Variants in DCLK1 observed in about 807,000 individuals in gnomAD.
The protein encoded by DCLK1 is serine/threonine-protein kinase DCLK1.
Under a neutral mutation model 86.2 loss-of-function variants are expected in DCLK1, and 16 were observed. The ratio of observed to expected loss-of-function variants is 0.19; its 90% CI spans 0.13 to 0.28. The LOEUF (loss-of-function observed/expected upper bound fraction) is 0.28. Among genes scored for constraint, DCLK1 ranks in the 10% least tolerant of loss-of-function variants. The pLI is 1.00. For synonymous variants in DCLK1, 369 were observed against 370.5 expected (o/e 1.00, Z 0.05); for missense variants, 590 against 940.2 (o/e 0.63, Z 4.87).
At chr13:35,880,414 C>T (rs916131647) in intron 4 of DCLK1, among the ~76,000 whole-genome samples, 2 of 152,178 alleles carry the variant, frequency 1.3e-5, no homozygotes, top group Non-Finnish European at 2.9e-5. Flanking sequence ...CTTTCCCTTC[C>T]AGGTACCACT....
At chr13:36,080,514 C>T (rs547939245) in intron 3 of DCLK1, among the ~76,000 whole-genome samples, 2 of 152,306 alleles carry the variant, frequency 1.3e-5, no homozygotes, top group South Asian at 4.1e-4. Flanking sequence ...CTGTCAGTTT[C>T]CTTCAGTGGG....
Position 36,112,122 on chromosome 13 carries a change from G to A in DCLK1, c.470C>T (p.Thr157Ile), listed in dbSNP as rs1214142906. ...NPNWSVNVKT[T>I]SASRAVSSLA... The stretch of plus-strand genomic sequence containing the variant: ...TGAAGACACTGCCCGAGAAGCCGAG[G>A]TGGTCTTGACGTTCACCGACCAGTT... The change falls in exon 3 of 17, where the codon ACC becomes ATC. Residue 157 changes from threonine (T) to isoleucine (I), a missense_variant. Thr to Ile is a moderately conservative substitution (Grantham distance 89). This residue lies in a region of DCLK1 where 195 missense variants were observed against 365.1 expected (regional missense o/e 0.53). Coordinates refer to ENST00000360631, the MANE Select transcript of DCLK1 (RefSeq NM_001330071.2). 3 of 1,613,772 alleles carry A rather than the reference G, an allele frequency of 1.9e-6. No individual in the cohort carries two copies. Among genetic ancestry groups the A allele is most frequent in the Non-Finnish European group, 2.5e-6 (3 of 1,179,726 alleles).
At chr13:35,851,274 T>C (rs574762515) in intron 6 of DCLK1, among the ~76,000 whole-genome samples, 1 of 152,338 alleles carries the variant, frequency 6.6e-6, no homozygotes, top group African/African-American at 2.4e-5. Context: ...ATATTATGTT[T>C]GGATGACAGA....
At position 35,769,605 on chromosome 13, in the gene DCLK1, TTAC is replaced by T. The variant is rs1462068989; in HGVS notation, c.*4927_*4929del. 2.6e-5 allele frequency: 4 copies of T among 152,226 alleles called. No homozygotes were observed. Among genetic ancestry groups the T allele is most frequent in the Non-Finnish European group, 4.4e-5 (3 of 68,030 alleles). 9.4% of individuals were successfully genotyped at this position (152,226 alleles called of 1,614,324 possible). On this transcript the variant is annotated 3_prime_UTR_variant, in exon 17 of 17. Coordinates refer to ENST00000360631, the MANE Select transcript of DCLK1 (RefSeq NM_001330071.2). ...TAGAGAACTATTCAAGGACTTTTTC[TTAC>T]TACATTTGATTGGACTGGAGTGAAC...
intron 3 of DCLK1, among the ~76,000 whole-genome samples, chr13:35,967,853 T>G (rs552654714): frequency 6.7e-6 from 1 of 148,512 alleles, no homozygotes; most frequent in South Asian, 2.2e-4. Context: ...AAAAAAAAAG[T>G]AAAAAATAAA....
At chr13:36,104,505 T>C (rs1885325945) in intron 3 of DCLK1, among the ~76,000 whole-genome samples, 1 of 152,160 alleles carries the variant, frequency 6.6e-6, no homozygotes, top group African/African-American at 2.4e-5. Context: ...AGGAAATATT[T>C]CATAGACAAG....
chr13:35,827,056 GTCA>G (rs1006546459), intron 10 of DCLK1, among the ~76,000 whole-genome samples: 1 of 152,176 alleles, frequency 6.6e-6, no homozygotes, highest in African/African-American at 2.4e-5. Context: ...CCATTCAACC[GTCA>G]TCAACAATTG....
At chr13:36,109,980 G>A (rs971293364) in intron 3 of DCLK1, among the ~76,000 whole-genome samples, 5 of 152,174 alleles carry the variant, frequency 3.3e-5, no homozygotes, top group South Asian at 4.1e-4. Context: ...CATTAAAGCC[G>A]ATTTTTAGAT....
At chr13:35,831,348 C>G (rs114319522) in intron 8 of DCLK1, among the ~76,000 whole-genome samples, 1 of 152,142 alleles carries the variant, frequency 6.6e-6, no homozygotes, top group Non-Finnish European at 1.5e-5. Flanking sequence ...AGGAAAGTAG[C>G]TAGTCTAGAA....
intron 6 of DCLK1, chr13:35,849,074 C>T (rs1870419059): frequency 1.0e-6 from 1 of 985,340 alleles, no homozygotes; most frequent in Non-Finnish European, 1.2e-6. Context: ...AAGTGTCTTT[C>T]TCTCCAACAG....
At chr13:36,002,245 A>G (rs1045865751) in intron 3 of DCLK1, among the ~76,000 whole-genome samples, 1 of 152,216 alleles carries the variant, frequency 6.6e-6, no homozygotes, top group Non-Finnish European at 1.5e-5. Context: ...AGTACAATAC[A>G]GTTAATTCAA....
rs1343917272 is a variant in DCLK1, at chr13:36,011,532, C to T, written c.724-64075G>A. 4.0e-4 allele frequency among the ~76,000 whole-genome samples: 56 copies of T among 140,094 alleles called. No individual in the cohort carries two copies. In the South Asian group the frequency reaches 6.3e-3, roughly 16 times the overall value. 91.9% of individuals were successfully genotyped at this position (140,094 alleles called of 152,430 possible). On this transcript the variant is annotated intron_variant, in intron 3 of 16. Coordinates refer to ENST00000360631, the MANE Select transcript of DCLK1 (RefSeq NM_001330071.2). ...GTTGTTCAGTTTCCATGTAGTTGAG[C>T]GGCTTTGAGTGAGATTCTTAATCCT...
chr13:35,808,477 T>C (rs1231616954), intron 13 of DCLK1, 157 bp from the exon 14 acceptor site: 2 of 721,356 alleles, frequency 2.8e-6, no homozygotes, highest in Non-Finnish European at 4.6e-6. Flanking sequence ...GGATCTGTTT[T>C]GGTAAATTAA....
rs1593694680 is a variant in DCLK1 at position 35,881,391 on chromosome 13, T to C, written c.824-10051A>G. ...GGTTAGCTTGCCTACATCTTCCCCATACCAACTGCTTCCATCAGGGTGCAG... is the reference window on the plus strand; with the variant it reads ...GGTTAGCTTGCCTACATCTTCCCCACACCAACTGCTTCCATCAGGGTGCAG... On this transcript the variant is annotated intron_variant, in intron 4 of 16. Transcript: ENST00000360631. 1.3e-5 allele frequency among the ~76,000 whole-genome samples: 2 copies of C among 152,310 alleles called. 1 individual carries two copies. Among genetic ancestry groups the C allele is most frequent in the African/African-American group, 4.8e-5 (2 of 41,584 alleles).
Position 36,128,612 on chromosome 13 carries a change from G to C in DCLK1, c.-19-2456C>G, listed in dbSNP as rs548978860. Among the ~76,000 whole-genome samples, 15 of 152,288 alleles carry C rather than the reference G, an allele frequency of 9.8e-5. No homozygotes were observed. The South Asian group carries it at 2.3e-3, about 23-fold the overall frequency. On this transcript the variant is annotated intron_variant, in intron 1 of 16. Transcript: ENST00000360631. ...TGGGTCTATTGCTGACCCCACTGAA[G>C]GTCTGGGGAGGGAGAAATGAAGTGT...
In DCLK1 at chr13:35,840,743, T is replaced by A. The variant is rs1378535097; in HGVS notation, c.1036-1567A>T. 2.0e-5 allele frequency among the ~76,000 whole-genome samples: 3 copies of A among 152,218 alleles called. No individual in the cohort carries two copies. The East Asian group carries it at 5.8e-4, about 29-fold the overall frequency. ...TGTCACCTTGACACAGAGTTTTTCT[T>A]AGTGTGACACTATGTACCCATAACC... On this transcript the variant is annotated intron_variant, in intron 6 of 16. Transcript: ENST00000360631.
intron 11 of DCLK1, among the ~76,000 whole-genome samples, chr13:35,816,601 G>T (rs1268825989): frequency 6.6e-6 from 1 of 152,028 alleles, no homozygotes; most frequent in Non-Finnish European, 1.5e-5. Context: ...CTCATATTTT[G>T]CAGATGAGAA....
intron 6 of DCLK1, chr13:35,850,350 T>C (rs1178627020): frequency 4.0e-6 from 4 of 994,804 alleles, no homozygotes; most frequent in African/African-American, 3.5e-5. Flanking sequence ...TGTCTACTTA[T>C]AATTAAGAAG....
At chr13:36,115,445 A>T (rs888161371) in intron 2 of DCLK1, among the ~76,000 whole-genome samples, 2 of 152,202 alleles carry the variant, frequency 1.3e-5, no homozygotes, top group Non-Finnish European at 2.9e-5. Context: ...GGATGGCATG[A>T]TTGCAAAGCT....
Sources: gnomAD v4.1 joint callset for allele counts (sites outside exome capture counted in the v4.1 genomes callset) on GRCh38, gnomAD v4.1.1 for gene constraint, gnomAD v4.1.1 regional missense constraint, MANE v1.5 for transcripts, NCBI Gene and HGNC (gene_info 2026-07-23, HGNC 2026-07-21) for gene names.